The following STON2 variants were observed in gnomAD, a reference collection of about 807,000 sequenced individuals.
The protein encoded by STON2 is stonin 2.
In STON2, 29 loss-of-function variants were observed where a neutral mutation model predicts 65.7. The ratio of observed to expected loss-of-function variants is 0.44; its 90% CI spans 0.33 to 0.60. The LOEUF (loss-of-function observed/expected upper bound fraction) is 0.60. Ranked by LOEUF, STON2 falls within the 20% of genes least tolerant of loss-of-function variation. The pLI is 0.03. For missense variants in STON2, 1,054 were observed against 1,118.1 expected, an observed-to-expected ratio of 0.94 and a Z score of 0.82; for synonymous variants, 404 against 414.2, an observed-to-expected ratio of 0.98 and a Z score of 0.30.
rs540303832 is a variant in STON2, at chr14:81,266,739, C to T, written c.*1675G>A. The T allele has an allele frequency of 3.0e-6, 3 of 985,290 alleles. No individual in the cohort carries two copies. Among genetic ancestry groups the T allele is most frequent in the Non-Finnish European group, 3.6e-6 (3 of 829,922 alleles). 61.0% of individuals were successfully genotyped at this position (985,290 alleles called of 1,614,324 possible). ...CTGATTCAACATTGAACCTCCATTT[C>T]TGTAAGGAAATATTTCTCTATAAAC... On this transcript the variant is annotated 3_prime_UTR_variant, in exon 8 of 8. Coordinates refer to ENST00000614646, the MANE Select transcript of STON2 (RefSeq NM_001394390.1).
intron 2 of STON2, among the ~76,000 whole-genome samples, chr14:81,408,335 T>C (rs189564927): frequency 9.2e-5 from 14 of 152,286 alleles, no homozygotes; most frequent in African/African-American, 3.4e-4. Flanking sequence ...CCAATTTCCA[T>C]TGAAAACTGG....
At chr14:81,312,357 CTT>C (rs1422475307) in intron 5 of STON2, among the ~76,000 whole-genome samples, 15 of 152,156 alleles carry the variant, frequency 9.9e-5, no homozygotes, top group Admixed American at 2.0e-4. Flanking sequence ...GTCAGAAAAA[CTT>C]TTACTGGTCT....
intron 7 of STON2, chr14:81,269,617 T>G (rs1400102824): frequency 1.0e-6 from 1 of 985,136 alleles, no homozygotes; most frequent in Admixed American, 6.2e-5. Flanking sequence ...CAAGATGGAG[T>G]GTTTGTTCCT....
At position 81,268,398 on chromosome 14, in the gene STON2, T is replaced by A; in HGVS notation, c.*16A>T. 7 of 1,289,340 alleles carry A rather than the reference T, an allele frequency of 5.4e-6. No individual in the cohort carries two copies. Among genetic ancestry groups the A allele is most frequent in the Non-Finnish European group, 7.1e-6 (7 of 988,660 alleles). 79.9% of individuals were successfully genotyped at this position (1,289,340 alleles called of 1,614,324 possible). Reference sequence around the variant, plus strand: ...ATCATGACTCTGGGATCAGGATTCCTTGCCGCAAGGCTTTGTCACTGCACT... The same window carrying A: ...ATCATGACTCTGGGATCAGGATTCCATGCCGCAAGGCTTTGTCACTGCACT... On this transcript the variant is annotated 3_prime_UTR_variant, in exon 8 of 8. Coordinates refer to ENST00000614646, the MANE Select transcript of STON2 (RefSeq NM_001394390.1).
In STON2 at chr14:81,277,823, G is replaced by A. The variant is rs755598406; in HGVS notation, c.1659C>T (p.Ile553=). Residue 553 remains isoleucine, a synonymous_variant, in exon 6 of 8, where the codon ATC becomes ATT. Transcript: ENST00000614646. ...TGACACGGTCTATCCGCAAGCTGTGGATTCTGCCATTCTCATCATAGTTTT... is the reference window on the plus strand; with the variant it reads ...TGACACGGTCTATCCGCAAGCTGTGAATTCTGCCATTCTCATCATAGTTTT... ...RLQNYDENGR[I]HSLRIDRVTY... 6.2e-7 allele frequency: 1 copy of A among 1,614,198 alleles called. No individual in the cohort carries two copies.
intron 4 of STON2, among the ~76,000 whole-genome samples, chr14:81,365,344 G>A (rs1489770699): frequency 6.6e-6 from 1 of 152,134 alleles, no homozygotes; most frequent in Non-Finnish European, 1.5e-5. Flanking sequence ...ATACATTCAA[G>A]GGTACATTAA....
At chr14:81,339,692 G>C (rs971984307) in intron 4 of STON2, among the ~76,000 whole-genome samples, 1 of 152,090 alleles carries the variant, frequency 6.6e-6, no homozygotes, top group Non-Finnish European at 1.5e-5. Context: ...CAGACTGTAA[G>C]GCAAAGTATC....
rs115909760 is a variant in STON2 at position 81,422,388 on chromosome 14, C to G, written c.-199+4714G>C. Among the ~76,000 whole-genome samples, 177 of 152,278 alleles carry G rather than the reference C, an allele frequency of 1.2e-3. 1 individual carries two copies. The highest frequency in any genetic ancestry group is 4.2e-3 in the African/African-American group (173 of 41,576). On this transcript the variant is annotated intron_variant, in intron 2 of 8. Transcript: ENST00000553821. ...AGTGGAACCAACCTGAAGCCCTCAC[C>G]AGAAGCAGATGTTGGCGCCATGCTT...
chr14:81,338,387 G>A (rs960252678), intron 4 of STON2, among the ~76,000 whole-genome samples: 4 of 152,220 alleles, frequency 2.6e-5, no homozygotes, highest in Non-Finnish European at 4.4e-5. Flanking sequence ...TTCCAGGTAG[G>A]TGGACACATG....
intron 7 of STON2, chr14:81,270,198 C>T (rs1388828651): frequency 5.0e-6 from 2 of 402,252 alleles, no homozygotes; most frequent in African/African-American, 2.2e-5. Context: ...GTGATCCTCC[C>T]ACCTCAGTCT....
intron 3 of STON2, among the ~76,000 whole-genome samples, chr14:81,387,593 A>G (rs1327312414): frequency 1.3e-5 from 2 of 152,140 alleles, no homozygotes; most frequent in Middle Eastern, 3.2e-3. Context: ...ATGGTTATAC[A>G]AAGGCTTTTG....
intron 2 of STON2, among the ~76,000 whole-genome samples, chr14:81,416,204 C>T (rs1028195630): frequency 6.6e-6 from 1 of 152,128 alleles, no homozygotes; most frequent in African/African-American, 2.4e-5. Context: ...GCAGGTAAAC[C>T]TTTTCATGAA....
In STON2 at chr14:81,276,926, T is replaced by C. The variant is rs1894846239; in HGVS notation, c.2556A>G (p.Ile852Met). 1 of 1,612,376 alleles carries C rather than the reference T, an allele frequency of 6.2e-7. No individual in the cohort carries two copies. The highest frequency in any genetic ancestry group is 1.3e-5 in the African/African-American group (1 of 74,912). Residue 852 changes from isoleucine to methionine, a missense_variant, in exon 6 of 8, where the codon ATA (isoleucine) becomes ATG (methionine). By Grantham distance (10) the Ile-to-Met change is conservative. Coordinates refer to ENST00000614646, the MANE Select transcript of STON2 (RefSeq NM_001394390.1). ...EHAFNSIVWR[I>M]NRLPDKNSAS... The stretch of plus-strand genomic sequence containing the variant: ...CTGAGTTTTTGTCCGGCAGTCGGTT[T>C]ATCCTCCACACAATGGAGTTGAAGG...
At chr14:81,303,350 A>G (rs1896045327) in intron 5 of STON2, among the ~76,000 whole-genome samples, 1 of 152,030 alleles carries the variant, frequency 6.6e-6, no homozygotes, top group Admixed American at 6.5e-5. Flanking sequence ...TACTAAGTGC[A>G]CACCTGGATC....
intron 5 of STON2, among the ~76,000 whole-genome samples, chr14:81,316,381 T>C (rs1896620404): frequency 6.6e-6 from 1 of 152,240 alleles, no homozygotes. Context: ...CATTGTGGTA[T>C]GGAAATCTCA....
At chr14:81,392,767 T>A (rs931130602) in intron 3 of STON2, among the ~76,000 whole-genome samples, 8 of 152,198 alleles carry the variant, frequency 5.3e-5, no homozygotes, top group Admixed American at 2.6e-4. Context: ...TCCCAATCTG[T>A]CACAGAGAAT....
chr14:81,322,614 G>A (rs1896861575), intron 5 of STON2, among the ~76,000 whole-genome samples: 1 of 152,174 alleles, frequency 6.6e-6, no homozygotes, highest in Non-Finnish European at 1.5e-5. Flanking sequence ...ATGACGTAGT[G>A]CTGATTTACC....
chr14:81,367,061 T>C (rs1009259908), intron 4 of STON2, among the ~76,000 whole-genome samples: 7 of 152,188 alleles, frequency 4.6e-5, no homozygotes, highest in African/African-American at 1.2e-4. Flanking sequence ...CTCCCAGAGG[T>C]TGGCACTGCC....
At chr14:81,387,844 T>C (rs1899887528) in intron 3 of STON2, among the ~76,000 whole-genome samples, 2 of 146,462 alleles carry the variant, frequency 1.4e-5, no homozygotes, top group Admixed American at 1.4e-4. Context: ...TGAGCTGAGA[T>C]CACACCACTG....
Sources: gnomAD v4.1 joint callset for allele counts (sites outside exome capture counted in the v4.1 genomes callset) on GRCh38, gnomAD v4.1.1 for gene constraint, MANE v1.5 for transcripts, NCBI Gene and HGNC (gene_info 2026-07-23, HGNC 2026-07-21) for gene names.